RXRA: variants seen among roughly 807,000 people sequenced by gnomAD.
RXRA encodes retinoic acid receptor RXR-alpha.
Under a neutral mutation model 44.5 loss-of-function variants are expected in RXRA, and 5 were observed. The observed-to-expected ratio is 0.11, with a 90% CI of 0.06 to 0.24. RXRA has a LOEUF of 0.24. Among genes scored for constraint, RXRA ranks in the 10% least tolerant of loss-of-function variants. The pLI is 1.00. For missense variants in RXRA, 412 were observed against 646.5 expected (o/e 0.64, Z 3.93); for synonymous variants, 291 against 271.4 (o/e 1.07, Z -0.71).
At chr9:134,334,113 C>T (rs192326016) in intron 1 of RXRA, among the ~76,000 whole-genome samples, 7 of 152,382 alleles carry the variant, frequency 4.6e-5, no homozygotes, top group East Asian at 3.9e-4. Flanking sequence ...AGTGATCCCA[C>T]GCCTGTGTTA....
chr9:134,421,010 A>G (rs952990797), intron 5 of RXRA, among the ~76,000 whole-genome samples: 3 of 152,246 alleles, frequency 2.0e-5, no homozygotes, highest in Admixed American at 6.5e-5. Flanking sequence ...CCCTGTCCCC[A>G]GCGTGGGCCA....
intron 1 of RXRA, among the ~76,000 whole-genome samples, chr9:134,350,828 C>T (rs183380058): frequency 4.5e-4 from 69 of 152,340 alleles, no homozygotes; most frequent in African/African-American, 1.6e-3. Context: ...AGGGGCTGAG[C>T]GGCTGAGCCT....
At chr9:134,388,486 T>C in intron 1 of RXRA, among the ~76,000 whole-genome samples, 1 of 152,160 alleles carries the variant, frequency 6.6e-6, no homozygotes, top group South Asian at 2.1e-4. Context: ...TGGACTTTGA[T>C]TTGTGCACCT....
At chr9:134,364,162 G>A (rs1030084717) in intron 1 of RXRA, among the ~76,000 whole-genome samples, 55 of 152,236 alleles carry the variant, frequency 3.6e-4, no homozygotes, top group African/African-American at 1.3e-3. Flanking sequence ...ATCTCCAGCC[G>A]CCTGAAGACA....
chr9:134,360,145 C>G (rs968894623), intron 1 of RXRA, among the ~76,000 whole-genome samples: 1 of 152,198 alleles, frequency 6.6e-6, no homozygotes, highest in Non-Finnish European at 1.5e-5. Flanking sequence ...CGCGATTGCT[C>G]TGTCCTGCCT....
At chr9:134,357,281 G>C (rs572676799) in intron 1 of RXRA, among the ~76,000 whole-genome samples, 1 of 152,350 alleles carries the variant, frequency 6.6e-6, no homozygotes, top group South Asian at 2.1e-4. Context: ...CCTGGCCAGA[G>C]TTCGCTGCTG....
chr9:134,380,518 G>A (rs1209352575), intron 1 of RXRA, among the ~76,000 whole-genome samples: 1 of 152,128 alleles, frequency 6.6e-6, no homozygotes, highest in Non-Finnish European at 1.5e-5. Context: ...GAGGCTGCAG[G>A]CTGGGAGGTA....
chr9:134,436,558 A>G lies in RXRA; in HGVS notation c.1333A>G (p.Thr445Ala). The G allele has an allele frequency of 6.2e-7, 1 of 1,614,164 alleles. No homozygotes were observed. The highest frequency in any genetic ancestry group is 8.5e-7 in the Non-Finnish European group (1 of 1,180,038). ...HLFFFKLIGD[T>A]PIDTFLMEML... Reference sequence around the variant, plus strand: ...CTTCTTCTTCAAGCTCATCGGGGACACACCCATTGACACCTTCCTTATGGA... The same window carrying G: ...CTTCTTCTTCAAGCTCATCGGGGACGCACCCATTGACACCTTCCTTATGGA... Residue 445 changes from threonine (T) to alanine (A), a missense_variant, in exon 10 of 10, where the codon ACA (threonine) becomes GCA (alanine). Physicochemically the swap from Thr to Ala is moderately conservative, Grantham distance 58. This residue lies in a region of RXRA where 141 missense variants were observed against 270.8 expected (regional missense o/e 0.52). Transcript: ENST00000481739.
intron 1 of RXRA, among the ~76,000 whole-genome samples, chr9:134,334,732 T>A (rs1338128741): frequency 2.0e-5 from 3 of 152,196 alleles, no homozygotes; most frequent in African/African-American, 7.2e-5. Context: ...TGGCCATTGG[T>A]CAGGGTGGCA....
At chr9:134,410,397 TGCTGG>T (rs1243550383) in intron 4 of RXRA, among the ~76,000 whole-genome samples, 1 of 152,200 alleles carries the variant, frequency 6.6e-6, no homozygotes, top group Non-Finnish European at 1.5e-5. Flanking sequence ...CAGGGTCACA[TGCTGG>T]GCCCTGGCCC....
chr9:134,424,579 G>A (rs1831402835), intron 6 of RXRA: 8 of 985,322 alleles, frequency 8.1e-6, no homozygotes, highest in Non-Finnish European at 9.6e-6. Context: ...CTGTGCCTCA[G>A]TGTCCTTGTG....
rs1399651452 is a variant in RXRA, at chr9:134,349,334, G to T, written c.28+22675G>T. ...GTCATTGGTGGGCCTGTTGGGCCGG[G>T]GCGCCTCGGCCTGGTGGAGGGCTTC... On this transcript the variant is annotated intron_variant, in intron 1 of 9. Transcript: ENST00000481739. This position sits in a 1 kb window ranked among gnomAD's most constrained non-coding sequence, Gnocchi z 4.3. Among the ~76,000 whole-genome samples, 2 of 152,320 alleles carry T rather than the reference G, an allele frequency of 1.3e-5. No homozygotes were observed. The highest frequency in any genetic ancestry group is 3.9e-4 in the East Asian group (2 of 5,170).
intron 1 of RXRA, among the ~76,000 whole-genome samples, chr9:134,398,374 C>CACACGTGG (rs1554754071): frequency 6.6e-6 from 1 of 151,726 alleles, no homozygotes; most frequent in African/African-American, 2.4e-5. Flanking sequence ...AGAGCCCACA[C>CACACGTGG]ACGGGGCCCT....
intron 1 of RXRA, among the ~76,000 whole-genome samples, chr9:134,335,665 C>T (rs1457499506): frequency 6.6e-6 from 1 of 152,160 alleles, no homozygotes; most frequent in Non-Finnish European, 1.5e-5. Context: ...TAGGGGTGGG[C>T]CTCGCTGCAG....
chr9:134,350,179 C>CT, intron 1 of RXRA, among the ~76,000 whole-genome samples: 1 of 152,146 alleles, frequency 6.6e-6, no homozygotes, highest in South Asian at 2.1e-4. Flanking sequence ...GAGTGGGCAG[C>CT]TGGTCAGTGT....
intron 1 of RXRA, among the ~76,000 whole-genome samples, chr9:134,363,336 G>C (rs940174510): frequency 1.3e-5 from 2 of 152,220 alleles, no homozygotes; most frequent in African/African-American, 4.8e-5. Flanking sequence ...GGAGCCTGGC[G>C]GTGGGCCCTG....
chr9:134,395,133 C>T (rs1222228899), intron 1 of RXRA, among the ~76,000 whole-genome samples: 1 of 152,246 alleles, frequency 6.6e-6, no homozygotes, highest in Admixed American at 6.5e-5. Context: ...GCATCAGTCC[C>T]CTCTCAGTCC....
intron 1 of RXRA, among the ~76,000 whole-genome samples, chr9:134,379,021 C>T (rs539433951): frequency 4.6e-5 from 7 of 152,336 alleles, no homozygotes; most frequent in Admixed American, 2.0e-4. Context: ...GGACCTCAGC[C>T]GCCACCCATT....
At chr9:134,396,201 C>T (rs915596237) in intron 1 of RXRA, among the ~76,000 whole-genome samples, 11 of 152,202 alleles carry the variant, frequency 7.2e-5, no homozygotes, top group African/African-American at 2.4e-4. Flanking sequence ...GAAGCCCATT[C>T]TCACCATGGC....
Sources: gnomAD v4.1 joint callset for allele counts (sites outside exome capture counted in the v4.1 genomes callset) on GRCh38, gnomAD v4.1.1 for gene constraint, gnomAD v4.1.1 regional missense constraint, Gnocchi (gnomAD v3.1) non-coding constraint, MANE v1.5 for transcripts, NCBI Gene and HGNC (gene_info 2026-07-23, HGNC 2026-07-21) for gene names.